Variants in OPRM1 observed in about 807,000 individuals in gnomAD.
OPRM1 encodes the protein mu-type opioid receptor.
A neutral mutation model predicts 31.8 loss-of-function variants in OPRM1; 27 were observed. That is an observed-to-expected ratio of 0.85 (90% confidence interval 0.63 to 1.17). The LOEUF (loss-of-function observed/expected upper bound fraction) is 1.17, where lower values mean the gene tolerates loss of function less well. Among genes scored for constraint, OPRM1 ranks in the 50% most tolerant of loss-of-function variants. The probability of loss-of-function intolerance (pLI) is 0.00; values close to 1 mark genes in which losing one functional copy is unlikely to be tolerated. For synonymous variants in OPRM1, 196 were observed against 189.9 expected (o/e 1.03, Z -0.26); for missense variants, 536 against 511.1 (o/e 1.05, Z -0.47).
At chr6:154,093,623 T>G (rs1792817703) in intron 3 of OPRM1, 1 of 1,176,920 alleles carries the variant, frequency 8.5e-7, no homozygotes, top group South Asian at 1.6e-5. Flanking sequence ...GGCCTTATCT[T>G]CATCGCTGCC....
At chr6:154,185,147 C>T (rs554011686) in intron 3 of OPRM1, among the ~76,000 whole-genome samples, 6 of 152,310 alleles carry the variant, frequency 3.9e-5, no homozygotes, top group African/African-American at 1.4e-4. Flanking sequence ...CCCTGAGCCT[C>T]TTACCATGAT....
chr6:154,133,306 CCTT>C (rs1288655654), downstream of OPRM1, among the ~76,000 whole-genome samples: 8 of 152,128 alleles, frequency 5.3e-5, no homozygotes, highest in Non-Finnish European at 1.0e-4. Flanking sequence ...TTTATCTTGT[CCTT>C]CTTCTGCTCA....
rs925023144 is a variant in OPRM1, at chr6:154,186,471, G to A, written c.1165-60222G>A. 3.3e-5 allele frequency among the ~76,000 whole-genome samples: 5 copies of A among 152,306 alleles called. No homozygotes were observed. In the East Asian group the frequency reaches 9.6e-4, roughly 29 times the overall value. On this transcript the variant is annotated intron_variant, in intron 3 of 3. Transcript: ENST00000337049. ...ATCCCATCACCTCCACCTGAACACA[G>A]GCAGCAGCCACCTCGCCGCCTATCC...
intron 3 of OPRM1, chr6:154,094,282 C>T (rs1792963102): frequency 2.5e-6 from 3 of 1,209,916 alleles, no homozygotes; most frequent in East Asian, 5.7e-5. Flanking sequence ...AATTTCCATA[C>T]AGCGCAAAGT....
intron 3 of OPRM1, among the ~76,000 whole-genome samples, chr6:154,102,319 A>G (rs1012569925): frequency 1.3e-5 from 2 of 152,146 alleles, no homozygotes; most frequent in African/African-American, 4.8e-5. Context: ...ATCTGTAAGA[A>G]AGGTAATAAC....
intron 3 of OPRM1, among the ~76,000 whole-genome samples, chr6:154,200,485 C>G (rs1485069468): frequency 6.6e-6 from 1 of 152,178 alleles, no homozygotes; most frequent in Non-Finnish European, 1.5e-5. Flanking sequence ...CTTTGGAAGA[C>G]CGAGACAGGC....
intron 3 of OPRM1, among the ~76,000 whole-genome samples, chr6:154,196,729 C>T (rs550104529): frequency 5.7e-4 from 87 of 152,312 alleles, no homozygotes; most frequent in Admixed American, 1.8e-3. Context: ...CATTAACCCT[C>T]TCACCTCTTT....
chr6:154,212,094 T>C (rs1057123022), intron 3 of OPRM1, among the ~76,000 whole-genome samples: 15 of 152,232 alleles, frequency 9.9e-5, no homozygotes, highest in African/African-American at 3.6e-4. Context: ...TCCTAGTACA[T>C]GGTAGGTATA....
chr6:154,192,578 CAG>C (rs758402381), intron 3 of OPRM1, among the ~76,000 whole-genome samples: 1 of 151,926 alleles, frequency 6.6e-6, no homozygotes, highest in Non-Finnish European at 1.5e-5. Context: ...ACAAGCAACC[CAG>C]AGAGTGGGAG....
chr6:154,077,709 C>A (rs547928115), intron 1 of OPRM1, among the ~76,000 whole-genome samples: 1 of 151,416 alleles, frequency 6.6e-6, no homozygotes, highest in Non-Finnish European at 1.5e-5. Context: ...CCAGCCTGGG[C>A]GACAAAGTGA....
intron 1 of OPRM1, among the ~76,000 whole-genome samples, chr6:154,048,636 C>A (rs1373340108): frequency 6.6e-6 from 1 of 152,120 alleles, no homozygotes; most frequent in African/African-American, 2.4e-5. Flanking sequence ...AGATGTACCT[C>A]AAATTATTCA....
At chr6:154,196,121 A>T (rs1776607946) in intron 3 of OPRM1, among the ~76,000 whole-genome samples, 1 of 152,184 alleles carries the variant, frequency 6.6e-6, no homozygotes, top group Admixed American at 6.5e-5. Flanking sequence ...ACTTTAGCAC[A>T]AAGTACATCA....
intron 1 of OPRM1, among the ~76,000 whole-genome samples, chr6:154,059,627 A>G (rs1192676329): frequency 6.6e-6 from 1 of 152,156 alleles, no homozygotes; most frequent in Admixed American, 6.5e-5. Flanking sequence ...CTCCTTGAGG[A>G]CAGACTGTGT....
At chr6:154,192,004 A>T (rs576088773) in intron 3 of OPRM1, among the ~76,000 whole-genome samples, 53 of 152,328 alleles carry the variant, frequency 3.5e-4, no homozygotes, top group African/African-American at 1.2e-3. Context: ...AGATACATTT[A>T]TTGTTGTATA....
At chr6:154,167,838 G>A in intron 3 of OPRM1, 1 of 1,048,210 alleles carries the variant, frequency 9.5e-7, no homozygotes, top group Non-Finnish European at 1.4e-6. Flanking sequence ...AACATGCTGT[G>A]ATTAGCAAGA....
At chr6:154,116,965 T>C (rs957371214) in intron 3 of OPRM1, among the ~76,000 whole-genome samples, 1 of 152,200 alleles carries the variant, frequency 6.6e-6, no homozygotes, top group African/African-American at 2.4e-5. Context: ...CTTGACACCG[T>C]TGTGCTTTCC....
chr6:154,214,329 A>C, intron 3 of OPRM1: 2 of 1,173,028 alleles, frequency 1.7e-6, no homozygotes, highest in Non-Finnish European at 1.3e-6. Flanking sequence ...CCCCCCACCC[A>C]TTCACCTTCC....
Position 154,147,041 on chromosome 6 carries a change from T to C in OPRM1, c.1164+55569T>C, listed in dbSNP as rs774665418. Among the ~76,000 whole-genome samples the C allele has an allele frequency of 2.1e-4, 32 of 152,156 alleles. 1 individual carries two copies. The highest frequency in any genetic ancestry group is 4.0e-4 in the Non-Finnish European group (27 of 68,018). On this transcript the variant is annotated intron_variant, in intron 3 of 3. Transcript: ENST00000337049. ...GGGAAATGGACTTTTGTACTCTTCA[T>C]AAATCAGTTATTGGTCACTGGCTGC...
At chr6:154,051,983 A>T (rs1782290625) in intron 1 of OPRM1, among the ~76,000 whole-genome samples, 1 of 152,238 alleles carries the variant, frequency 6.6e-6, no homozygotes, top group Admixed American at 6.5e-5. Flanking sequence ...TACACCATGG[A>T]ATACTATGCA....
Sources: gnomAD v4.1 joint callset for allele counts (sites outside exome capture counted in the v4.1 genomes callset) on GRCh38, gnomAD v4.1.1 for gene constraint, MANE v1.5 for transcripts, NCBI Gene and HGNC (gene_info 2026-07-23, HGNC 2026-07-21) for gene names.